Variants in DGKG observed in about 807,000 individuals in gnomAD.
The protein encoded by DGKG is DAG kinase gamma.
Under a neutral mutation model 105.3 loss-of-function variants are expected in DGKG, and 78 were observed. The observed-to-expected ratio is 0.74, with a 90% CI of 0.62 to 0.89. The LOEUF is 0.89. DGKG is among the 40% of genes least tolerant of loss of function. DGKG has a pLI of 0.00. For missense variants in DGKG, 958 were observed against 1,020.1 expected (o/e 0.94, Z 0.83); for synonymous variants, 346 against 367.1 (o/e 0.94, Z 0.66).
intron 21 of DGKG, among the ~76,000 whole-genome samples, chr3:186,193,217 C>T (rs996797346): frequency 1.3e-5 from 2 of 152,164 alleles, no homozygotes; most frequent in Non-Finnish European, 2.9e-5. Context: ...TTGGAAAGAA[C>T]GTGCCTGCCT....
chr3:186,240,708 G>A (rs2108550313), intron 20 of DGKG, among the ~76,000 whole-genome samples: 1 of 152,140 alleles, frequency 6.6e-6, no homozygotes, highest in East Asian at 1.9e-4. Flanking sequence ...TACTTGGGAG[G>A]CTGAGACGGA....
intron 20 of DGKG, among the ~76,000 whole-genome samples, chr3:186,222,562 G>T (rs933011892): frequency 2.0e-5 from 3 of 152,202 alleles, no homozygotes; most frequent in Non-Finnish European, 4.4e-5. Flanking sequence ...CACACACATG[G>T]TCGGGTGCGG....
At chr3:186,260,328 G>T in intron 16 of DGKG, 111 bp downstream of exon 16, 1 of 775,652 alleles carries the variant, frequency 1.3e-6, no homozygotes, top group Non-Finnish European at 2.2e-6. Flanking sequence ...TAAAATGGCA[G>T]GAAGGAACAA....
At chr3:186,353,387 C>T (rs1437184997) in intron 1 of DGKG, among the ~76,000 whole-genome samples, 1 of 151,812 alleles carries the variant, frequency 6.6e-6, no homozygotes, top group East Asian at 1.9e-4. Flanking sequence ...GATGTGGTGG[C>T]ATGCATCTGT....
chr3:186,265,030 A>G (rs145600579), intron 14 of DGKG, among the ~76,000 whole-genome samples: 2 of 152,356 alleles, frequency 1.3e-5, no homozygotes, highest in Non-Finnish European at 2.9e-5. Flanking sequence ...AAGACCAGCA[A>G]TGGGATCAGT....
intron 24 of DGKG, among the ~76,000 whole-genome samples, chr3:186,156,084 C>T (rs1378953330): frequency 3.3e-5 from 5 of 151,994 alleles, no homozygotes; most frequent in Admixed American, 2.6e-4. Context: ...TTGCAAACAT[C>T]TTGTCCTTAG....
At chr3:186,232,333 CAA>C (rs1170763764) in intron 20 of DGKG, among the ~76,000 whole-genome samples, 1 of 152,138 alleles carries the variant, frequency 6.6e-6, no homozygotes, top group African/African-American at 2.4e-5. Context: ...AGCATGATCT[CAA>C]GTCAATAAAA....
intron 1 of DGKG, among the ~76,000 whole-genome samples, chr3:186,346,343 A>G (rs1281802976): frequency 6.6e-6 from 1 of 152,152 alleles, no homozygotes; most frequent in African/African-American, 2.4e-5. Flanking sequence ...ATTTGTAAAG[A>G]CCATGCCCTC....
chr3:186,327,808 G>A (rs1408650271), intron 1 of DGKG, among the ~76,000 whole-genome samples: 1 of 152,042 alleles, frequency 6.6e-6, no homozygotes. Flanking sequence ...CACCATACCT[G>A]TTCATAGAGA....
At chr3:186,161,055 A>G in intron 24 of DGKG, 1 of 986,750 alleles carries the variant, frequency 1.0e-6, no homozygotes, top group Non-Finnish European at 1.2e-6. Flanking sequence ...TGACTCATTC[A>G]GTGGAATTTT....
intron 3 of DGKG, 34 bp downstream of exon 3, chr3:186,306,867 G>T (rs748668186): frequency 1.4e-6 from 2 of 1,417,626 alleles, no homozygotes; most frequent in South Asian, 1.2e-5. Flanking sequence ...AAAACACAGG[G>T]GTTTTTAAAG....
At chr3:186,303,794 C>T (rs1724090263) in intron 3 of DGKG, among the ~76,000 whole-genome samples, 1 of 152,212 alleles carries the variant, frequency 6.6e-6, no homozygotes, top group South Asian at 2.1e-4. Context: ...CGGCCAGATG[C>T]AGCTCTGCCA....
intron 1 of DGKG, among the ~76,000 whole-genome samples, chr3:186,349,450 C>T (rs1386956425): frequency 2.0e-5 from 3 of 152,228 alleles, no homozygotes; most frequent in Non-Finnish European, 4.4e-5. Flanking sequence ...TCAGATTGCT[C>T]TCTTTCAGAT....
rs377003637 is a variant in DGKG, at chr3:186,221,804, G to A, written c.1827-9919C>T. 5.9e-5 allele frequency among the ~76,000 whole-genome samples: 9 copies of A among 152,296 alleles called. No individual in the cohort carries two copies. The East Asian group carries it at 1.4e-3, about 23-fold the overall frequency. ...TCCTGATCAACCAAGACTAAAAGGTGGAACTGTCTGGAGGAGCAGAGGCAA... is the reference window on the plus strand; with the variant it reads ...TCCTGATCAACCAAGACTAAAAGGTAGAACTGTCTGGAGGAGCAGAGGCAA... On this transcript the variant is annotated intron_variant, in intron 20 of 24. Transcript: ENST00000265022.
At chr3:186,351,469 C>G (rs747548957) in intron 1 of DGKG, among the ~76,000 whole-genome samples, 4 of 152,106 alleles carry the variant, frequency 2.6e-5, no homozygotes, top group Non-Finnish European at 5.9e-5. Flanking sequence ...GAGGAGAGAG[C>G]CTTAGGATCC....
intron 2 of DGKG, among the ~76,000 whole-genome samples, chr3:186,316,322 G>A (rs1007985578): frequency 1.3e-5 from 2 of 152,196 alleles, no homozygotes; most frequent in African/African-American, 4.8e-5. Context: ...AAAGAAAACA[G>A]CATACAAAAT....
At chr3:186,217,516 T>C (rs1365580347) in intron 20 of DGKG, among the ~76,000 whole-genome samples, 1 of 152,228 alleles carries the variant, frequency 6.6e-6, no homozygotes, top group Non-Finnish European at 1.5e-5. Flanking sequence ...TTTTCTTAAT[T>C]GCCCCCTGGC....
chr3:186,220,585 C>T (rs1157286191), intron 20 of DGKG, among the ~76,000 whole-genome samples: 1 of 152,190 alleles, frequency 6.6e-6, no homozygotes, highest in Non-Finnish European at 1.5e-5. Context: ...TCATTCATGC[C>T]TGTGAGCTGG....
chr3:186,196,031 C>G (rs538468336), intron 21 of DGKG, among the ~76,000 whole-genome samples: 22 of 152,168 alleles, frequency 1.4e-4, no homozygotes, highest in Non-Finnish European at 2.6e-4. Context: ...GGTAGGATAC[C>G]CTAGCACCTT....
Sources: gnomAD v4.1 joint callset for allele counts (sites outside exome capture counted in the v4.1 genomes callset) on GRCh38, gnomAD v4.1.1 for gene constraint, MANE v1.5 for transcripts, NCBI Gene and HGNC (gene_info 2026-07-23, HGNC 2026-07-21) for gene names.